The following ACSF2 variants were observed in gnomAD, a reference collection of about 807,000 sequenced individuals.
ACSF2 encodes the protein medium-chain acyl-CoA ligase ACSF2, mitochondrial.
Under a neutral mutation model 79.3 loss-of-function variants are expected in ACSF2, and 52 were observed. That is an observed-to-expected ratio of 0.66 (90% CI 0.53 to 0.83). ACSF2 has a LOEUF of 0.83. Ranked by LOEUF, ACSF2 falls within the 40% of genes least tolerant of loss-of-function variation. The pLI is 0.00. For synonymous variants in ACSF2, 283 were observed against 312.6 expected (o/e 0.91, Z 1.00); for missense variants, 661 against 803.3 (o/e 0.82, Z 2.14).
In ACSF2 at chr17:50,460,851, CT is replaced by C; in HGVS notation, c.306del (p.Phe102LeufsTer16). The stretch of plus-strand genomic sequence containing the variant: ...TCCTCCATGAAGACGTCAGGTTGAC[CT>C]TTGCCCAACTCAAGGAGGAGGTGGG... ...VVLHEDVRLT[F>X]AQLKEEVDKA... On this transcript the variant is annotated frameshift_variant, in exon 2 of 16. Coordinates refer to ENST00000300441, the MANE Select transcript of ACSF2 (RefSeq NM_025149.6). LOFTEE classifies it high-confidence loss of function. 1 of 1,610,036 alleles carries C rather than the reference CT, an allele frequency of 6.2e-7. No individual in the cohort carries two copies. Among genetic ancestry groups the C allele is most frequent in the Non-Finnish European group, 8.5e-7 (1 of 1,177,784 alleles).
Position 50,463,231 on chromosome 17 carries a change from C to T in ACSF2, c.868C>T (p.Arg290Cys), listed in dbSNP as rs556604565. 3.1e-6 allele frequency: 5 copies of T among 1,614,076 alleles called. No individual in the cohort carries two copies. The highest frequency in any genetic ancestry group is 4.2e-6 in the Non-Finnish European group (5 of 1,180,020). Reference sequence around the variant, plus strand: ...CAACAACTCCAACATTTTAGGAGAGCGCCTGAAACTGCATGAGAAGGTGAG... The same window carrying T: ...CAACAACTCCAACATTTTAGGAGAGTGCCTGAAACTGCATGAGAAGGTGAG... ...IVNNSNILGE[R>C]LKLHEKTPEQ... is the part of the protein sequence containing the mutation. Residue 290 changes from arginine to cysteine, a missense_variant, in exon 7 of 16, where the codon CGC (arginine) becomes TGC (cysteine). Physicochemically the swap from Arg to Cys is radical, Grantham distance 180. Transcript: ENST00000300441. The surrounding 1 kb of genome is among the most constrained non-coding windows in gnomAD (Gnocchi z 4.6).
At position 50,471,231 on chromosome 17, in the gene ACSF2, A is replaced by G; in HGVS notation, c.1323+96A>G. 9.9e-7 allele frequency: 1 copy of G among 1,008,072 alleles called. No individual in the cohort carries two copies. Among genetic ancestry groups the G allele is most frequent in the East Asian group, 2.5e-5 (1 of 40,682 alleles). 62.4% of individuals were successfully genotyped at this position (1,008,072 alleles called of 1,614,324 possible). A position where few individuals can be genotyped will look rare whatever the true frequency, so the allele number is the denominator to read the frequency against. On this transcript the variant is annotated intron_variant, in intron 11 of 15. Coordinates refer to ENST00000300441, the MANE Select transcript of ACSF2 (RefSeq NM_025149.6). This position sits in a 1 kb window ranked among gnomAD's most constrained non-coding sequence, Gnocchi z 4.1. ...CGGTTGCTTTCAGTGAGAGAGTCAAATGGCTCACTCAGGATGCCTAGAGCC... is the reference window on the plus strand; with the variant it reads ...CGGTTGCTTTCAGTGAGAGAGTCAAGTGGCTCACTCAGGATGCCTAGAGCC...
At chr17:50,464,163 G>C in intron 9 of ACSF2, 55 bp from the exon 10 acceptor site, 1 of 1,549,828 alleles carries the variant, frequency 6.5e-7, no homozygotes. Flanking sequence ...TAGGTGAAAG[G>C]ACTCCACTGG....
At chr17:50,460,117 A>G (rs938663704) in intron 1 of ACSF2, 1 of 452,300 alleles carries the variant, frequency 2.2e-6, no homozygotes, top group African/African-American at 2.0e-5. Context: ...GGCCTGTGGA[A>G]TAACAGGGGC....
intron 1 of ACSF2, among the ~76,000 whole-genome samples, chr17:50,442,311 A>C (rs1005592767): frequency 4.3e-5 from 6 of 139,508 alleles, no homozygotes; most frequent in African/African-American, 1.6e-4. Flanking sequence ...ATCCCAAAAA[A>C]ACAAAACAAA....
chr17:50,438,926 G>C (rs907526397), intron 1 of ACSF2, among the ~76,000 whole-genome samples: 4 of 152,058 alleles, frequency 2.6e-5, no homozygotes, highest in Non-Finnish European at 4.4e-5. Context: ...TGGATACAGA[G>C]GGCTGACTAT....
rs2032377800 is a variant in ACSF2 at position 50,462,131 on chromosome 17, G to A, written c.508-53G>A. ...GCTGATTAGTGAGGACTCCCCCAGAGCTCTAGTCTGGGGCTCCCCGCTGAC... is the reference window on the plus strand; with the variant it reads ...GCTGATTAGTGAGGACTCCCCCAGAACTCTAGTCTGGGGCTCCCCGCTGAC... On this transcript the variant is annotated intron_variant, in intron 4 of 15. Coordinates refer to ENST00000300441, the MANE Select transcript of ACSF2 (RefSeq NM_025149.6). 6.6e-6 allele frequency: 10 copies of A among 1,507,794 alleles called. No homozygotes were observed. In the South Asian group the frequency reaches 1.1e-4, roughly 17 times the overall value. 93.4% of individuals were successfully genotyped at this position (1,507,794 alleles called of 1,614,324 possible). A position where few individuals can be genotyped will look rare whatever the true frequency, so the allele number is the denominator to read the frequency against.
chr17:50,468,411 C>A (rs545229242), intron 10 of ACSF2: 1 of 1,614,080 alleles, frequency 6.2e-7, no homozygotes, highest in African/African-American at 1.3e-5. Flanking sequence ...AGCTCAGTGA[C>A]CTTGTTGTGG....
chr17:50,474,714 G>A lies in ACSF2; in HGVS notation c.*162G>A, dbSNP rs2033267611. ...ACTAAGAGCTCCTGGATGGGTCCGG[G>A]AACTCGCCTGGGCACAAGGTGCCAA... is the stretch of plus-strand genomic sequence containing the variant. On this transcript the variant is annotated 3_prime_UTR_variant, in exon 16 of 16. Coordinates refer to ENST00000300441, the MANE Select transcript of ACSF2 (RefSeq NM_025149.6). The surrounding 1 kb of genome is among the most constrained non-coding windows in gnomAD (Gnocchi z 4.2). 1 of 753,654 alleles carries A rather than the reference G, an allele frequency of 1.3e-6. No individual in the cohort carries two copies. Among genetic ancestry groups the A allele is most frequent in the Admixed American group, 2.8e-5 (1 of 36,266 alleles). 46.7% of individuals were successfully genotyped at this position (753,654 alleles called of 1,614,324 possible). A position where few individuals can be genotyped will look rare whatever the true frequency, so the allele number is the denominator to read the frequency against.
intron 1 of ACSF2, among the ~76,000 whole-genome samples, chr17:50,439,980 C>A (rs1441153330): frequency 6.6e-6 from 1 of 152,022 alleles, no homozygotes; most frequent in Non-Finnish European, 1.5e-5. Flanking sequence ...GATTATTTGT[C>A]CTTATTGATT....
At chr17:50,464,942 T>G (rs2032599325) in intron 10 of ACSF2, 2 of 352,022 alleles carry the variant, frequency 5.7e-6, no homozygotes, top group South Asian at 4.9e-5. Flanking sequence ...TAGGCAGCTC[T>G]GTGCATCAGC....
chr17:50,443,759 T>A (rs2031106591), intron 1 of ACSF2, among the ~76,000 whole-genome samples: 1 of 152,202 alleles, frequency 6.6e-6, no homozygotes, highest in Non-Finnish European at 1.5e-5. Context: ...TTTCTCCACA[T>A]CCTTGCCAAC....
At chr17:50,448,727 G>A (rs2031457140) in intron 1 of ACSF2, among the ~76,000 whole-genome samples, 2 of 152,190 alleles carry the variant, frequency 1.3e-5, no homozygotes, top group African/African-American at 4.8e-5. Context: ...TCAGTCCAGG[G>A]CTGGACAGGC....
intron 1 of ACSF2, chr17:50,450,147 G>A (rs963953603): frequency 6.5e-6 from 1 of 152,952 alleles, no homozygotes; most frequent in Non-Finnish European, 1.5e-5. Context: ...CTGGCCAAGG[G>A]TTTTCATACT....
chr17:50,464,767 CTT>C, intron 10 of ACSF2: 1 of 135,994 alleles, frequency 7.4e-6, no homozygotes, highest in Non-Finnish European at 1.4e-5. Context: ...TTCTGATTGA[CTT>C]GGGGGGGGGG....
rs1480160579 is a variant in ACSF2, at chr17:50,473,748, TCTA to T, written c.1561_1563del (p.Tyr521del). ...ATGATCATCCGGGGTGGTGAGAACA[TCTA>T]CCCCGCAGAGCTCGAGGACTTCTTT... On this transcript the variant is annotated inframe_deletion, in exon 13 of 16. Transcript: ENST00000300441. The T allele has an allele frequency of 6.2e-7, 1 of 1,614,160 alleles. No individual in the cohort carries two copies. The highest frequency in any genetic ancestry group is 8.5e-7 in the Non-Finnish European group (1 of 1,180,036).
chr17:50,469,437 C>T (rs1285517129), intron 10 of ACSF2, among the ~76,000 whole-genome samples: 1 of 152,172 alleles, frequency 6.6e-6, no homozygotes, highest in East Asian at 1.9e-4. Context: ...ACTTCAGACT[C>T]GACGCGCCGA....
chr17:50,474,588 ACT>A lies in ACSF2; in HGVS notation c.*42_*43del. 6.2e-7 allele frequency: 1 copy of A among 1,607,612 alleles called. No individual in the cohort carries two copies. Among genetic ancestry groups the A allele is most frequent in the Non-Finnish European group, 8.5e-7 (1 of 1,174,790 alleles). ...AGGCCTGTCCTGGCCGGTTGGCTTGACTCTCTCCTGTCAGAATGCAACCTGGC... is the reference window on the plus strand; with the variant it reads ...AGGCCTGTCCTGGCCGGTTGGCTTGACTCTCCTGTCAGAATGCAACCTGGC... On this transcript the variant is annotated 3_prime_UTR_variant, in exon 16 of 16. Coordinates refer to ENST00000300441, the MANE Select transcript of ACSF2 (RefSeq NM_025149.6). This position sits in a 1 kb window ranked among gnomAD's most constrained non-coding sequence, Gnocchi z 4.2.
At chr17:50,468,974 T>C (rs2032951535) in intron 10 of ACSF2, 3 of 1,376,448 alleles carry the variant, frequency 2.2e-6, no homozygotes, top group East Asian at 2.9e-5. Flanking sequence ...GCCACTGGGC[T>C]TAACTCGCTC....
Sources: gnomAD v4.1 joint callset for allele counts (sites outside exome capture counted in the v4.1 genomes callset) on GRCh38, gnomAD v4.1.1 for gene constraint, Gnocchi (gnomAD v3.1) non-coding constraint, MANE v1.5 for transcripts, NCBI Gene and HGNC (gene_info 2026-07-23, HGNC 2026-07-21) for gene names.